AGMO: variants seen among roughly 807,000 people sequenced by gnomAD.
AGMO encodes the protein alkylglycerol monooxygenase.
A neutral mutation model predicts 60.2 loss-of-function variants in AGMO; 75 were observed. The ratio of observed to expected loss-of-function variants is 1.25; its 90% CI spans 1.03 to 1.51. AGMO has a LOEUF of 1.51. AGMO is among the 40% of genes most tolerant of loss of function. AGMO has a pLI of 0.00. For missense variants in AGMO, 763 were observed against 525.5 expected (o/e 1.45, Z -4.42); for synonymous variants, 261 against 177.1 (o/e 1.47, Z -3.76).
chr7:15,373,071 C>G (rs1365333675), intron 10 of AGMO, among the ~76,000 whole-genome samples: 1 of 152,140 alleles, frequency 6.6e-6, no homozygotes, highest in African/African-American at 2.4e-5. Flanking sequence ...CGAGACCAGC[C>G]TGGCCAACAT....
chr7:15,394,249 C>T, intron 5 of AGMO, 70 bp from the exon 6 acceptor site: 1 of 1,136,520 alleles, frequency 8.8e-7, no homozygotes, highest in Non-Finnish European at 1.3e-6. Flanking sequence ...TAAATGCTCA[C>T]ATTAGAAACT....
At chr7:15,385,706 AAGTT>A (rs1783884463) in intron 9 of AGMO, 144 bp from the exon 10 acceptor site, 6 of 639,796 alleles carry the variant, frequency 9.4e-6, no homozygotes, top group Middle Eastern at 6.1e-4. Flanking sequence ...AAACATGTCT[AAGTT>A]AGGAGACTTT....
chr7:15,447,454 C>G (rs1373858455), intron 3 of AGMO, among the ~76,000 whole-genome samples: 1 of 152,198 alleles, frequency 6.6e-6, no homozygotes, highest in East Asian at 1.9e-4. Context: ...AACCATTGAA[C>G]CCCATAGCGG....
At chr7:15,378,862 A>C (rs1391035747) in intron 10 of AGMO, among the ~76,000 whole-genome samples, 3 of 152,008 alleles carry the variant, frequency 2.0e-5, no homozygotes, top group East Asian at 1.9e-4. Flanking sequence ...CACAAAAATG[A>C]AAGTAAAACA....
intron 5 of AGMO, among the ~76,000 whole-genome samples, chr7:15,412,219 T>G (rs77965232): frequency 0.087 from 13,218 of 152,186 alleles, 733 homozygotes; most frequent in South Asian, 0.14. Context: ...TGATTTCTAT[T>G]GCCCTTTACT....
intron 3 of AGMO, among the ~76,000 whole-genome samples, chr7:15,509,512 C>T (rs942907756): frequency 3.3e-5 from 5 of 152,066 alleles, no homozygotes; most frequent in African/African-American, 1.2e-4. Flanking sequence ...AGTTCCTTAA[C>T]ATTGACCTTG....
chr7:15,175,415 TG>T, the AGMO span, among the ~76,000 whole-genome samples: 1 of 151,932 alleles, frequency 6.6e-6, no homozygotes, highest in Non-Finnish European at 1.5e-5. Flanking sequence ...GTTATGATTT[TG>T]GGGGGAAAAT....
intron 12 of AGMO, among the ~76,000 whole-genome samples, chr7:15,350,562 G>A (rs560801612): frequency 6.6e-6 from 1 of 152,256 alleles, no homozygotes; most frequent in Admixed American, 6.5e-5. Flanking sequence ...CACATTGAGA[G>A]TCAGAGAGAG....
At chr7:15,242,785 A>G (rs1173368548) in intron 12 of AGMO, among the ~76,000 whole-genome samples, 1 of 152,134 alleles carries the variant, frequency 6.6e-6, no homozygotes, top group Non-Finnish European at 1.5e-5. Flanking sequence ...AATATAAAAT[A>G]AATATGTGAA....
chr7:15,383,171 C>T (rs1421126093), intron 10 of AGMO, among the ~76,000 whole-genome samples: 1 of 152,000 alleles, frequency 6.6e-6, no homozygotes, highest in Non-Finnish European at 1.5e-5. Flanking sequence ...GGTATTTTCA[C>T]TTGTGGGGTT....
At chr7:15,279,175 G>C (rs1783888951) in intron 12 of AGMO, among the ~76,000 whole-genome samples, 1 of 152,090 alleles carries the variant, frequency 6.6e-6, no homozygotes, top group African/African-American at 2.4e-5. Flanking sequence ...CCCCCGTCTA[G>C]AATTGTAAAG....
chr7:15,383,244 C>G (rs764089696), intron 10 of AGMO, among the ~76,000 whole-genome samples: 1 of 152,100 alleles, frequency 6.6e-6, no homozygotes, highest in Non-Finnish European at 1.5e-5. Flanking sequence ...TGAAGGGTCA[C>G]AGTTTACAGG....
At chr7:15,209,618 C>CA (rs1554395110) in intron 12 of AGMO, among the ~76,000 whole-genome samples, 1 of 152,284 alleles carries the variant, frequency 6.6e-6, no homozygotes, top group South Asian at 2.1e-4. Context: ...GGATTTCTCT[C>CA]AGTGTTCTGC....
intron 3 of AGMO, among the ~76,000 whole-genome samples, chr7:15,461,572 G>A (rs1315606424): frequency 6.6e-6 from 1 of 152,108 alleles, no homozygotes; most frequent in East Asian, 1.9e-4. Flanking sequence ...CTGAGCAGTA[G>A]GGGTTCTCAT....
chr7:15,242,678 G>A (rs1299534634), intron 12 of AGMO, among the ~76,000 whole-genome samples: 1 of 152,008 alleles, frequency 6.6e-6, no homozygotes, highest in Non-Finnish European at 1.5e-5. Context: ...AACTGAGATA[G>A]AAATAGAGAA....
intron 12 of AGMO, among the ~76,000 whole-genome samples, chr7:15,217,520 A>G (rs968986112): frequency 3.9e-5 from 6 of 152,142 alleles, no homozygotes; most frequent in Non-Finnish European, 8.8e-5. Context: ...TTAAGTTTAA[A>G]GGGATTAAAA....
At chr7:15,372,397 A>T (rs1179377168) in intron 10 of AGMO, among the ~76,000 whole-genome samples, 1 of 152,230 alleles carries the variant, frequency 6.6e-6, no homozygotes, top group Non-Finnish European at 1.5e-5. Context: ...CAGAGGTTGC[A>T]GTGAGGCAAG....
At chr7:15,482,139 A>G (rs889628009) in intron 3 of AGMO, among the ~76,000 whole-genome samples, 1 of 151,990 alleles carries the variant, frequency 6.6e-6, no homozygotes, top group Non-Finnish European at 1.5e-5. Context: ...TGAAACAGAA[A>G]AAGAGAAAGA....
intron 12 of AGMO, among the ~76,000 whole-genome samples, chr7:15,239,627 T>C (rs542810985): frequency 7.1e-4 from 108 of 152,116 alleles, no homozygotes; most frequent in Non-Finnish European, 1.3e-3. Flanking sequence ...CTTTCCAAGG[T>C]TGACATTTCA....
Sources: allele counts gnomAD v4.1 joint callset (sites outside exome capture counted in the v4.1 genomes callset), GRCh38; gene constraint gnomAD v4.1.1; transcripts MANE v1.5; gene names NCBI Gene and HGNC (gene_info 2026-07-23, HGNC 2026-07-21).